The following TRIM9 variants were observed in gnomAD, a reference collection of about 807,000 sequenced individuals.
TRIM9 encodes tripartite motif containing 9.
Under a neutral mutation model 78.3 loss-of-function variants are expected in TRIM9, and 26 were observed. That is an observed-to-expected ratio of 0.33 (90% confidence interval 0.24 to 0.46). TRIM9 has a LOEUF of 0.46. Ranked by LOEUF, TRIM9 falls within the 20% of genes least tolerant of loss-of-function variation. TRIM9 has a pLI of 1.00. For missense variants in TRIM9, 787 were observed against 1,036.4 expected (o/e 0.76, Z 3.30); for synonymous variants, 398 against 416.5 (o/e 0.96, Z 0.54).
chr14:51,077,505 G>A (rs1413651881), intron 1 of TRIM9, among the ~76,000 whole-genome samples: 1 of 145,872 alleles, frequency 6.9e-6, no homozygotes, highest in African/African-American at 2.5e-5. Flanking sequence ...CAATTCTCCT[G>A]CCTCAGACTC....
intron 1 of TRIM9, among the ~76,000 whole-genome samples, chr14:51,077,760 G>C (rs1319859668): frequency 6.6e-6 from 1 of 152,178 alleles, no homozygotes; most frequent in African/African-American, 2.4e-5. Flanking sequence ...ACACGGATAT[G>C]AAATCACATC....
chr14:50,988,806 G>T (rs913161443), intron 7 of TRIM9, among the ~76,000 whole-genome samples: 1 of 152,094 alleles, frequency 6.6e-6, no homozygotes, highest in Non-Finnish European at 1.5e-5. Flanking sequence ...TAGTGCACAT[G>T]CTGGGTCAGC....
chr14:51,019,701 T>C (rs180845463), intron 3 of TRIM9, among the ~76,000 whole-genome samples: 59 of 152,292 alleles, frequency 3.9e-4, no homozygotes, highest in African/African-American at 1.4e-3. Context: ...TAATATACAT[T>C]AAAGATTGTG....
At chr14:50,991,824 G>A (rs2053549953) in intron 7 of TRIM9, among the ~76,000 whole-genome samples, 3 of 152,186 alleles carry the variant, frequency 2.0e-5, no homozygotes, top group African/African-American at 7.2e-5. Context: ...GAGGCTAAGG[G>A]ACATATCCAA....
rs532262707 is a variant in TRIM9, at chr14:51,001,493, T to C, written c.1307-653A>G. Among the ~76,000 whole-genome samples the C allele has an allele frequency of 7.2e-5, 11 of 152,130 alleles. 1 individual carries two copies. The highest frequency in any genetic ancestry group is 2.4e-4 in the African/African-American group (10 of 41,498). On this transcript the variant is annotated intron_variant, in intron 5 of 12. Transcript: ENST00000684578. ...ATCCGCCCGCCTCTGCCTCCCAAAG[T>C]GCTGGGATTACAGGCGTGAGCCACC... is the stretch of plus-strand genomic sequence containing the variant.
In TRIM9 at chr14:50,977,304, G is replaced by T; in HGVS notation, c.2375C>A (p.Ala792Glu). 6.5e-7 allele frequency: 1 copy of T among 1,541,176 alleles called. No individual in the cohort carries two copies. Among genetic ancestry groups the T allele is most frequent in the Non-Finnish European group, 8.8e-7 (1 of 1,141,110 alleles). ...LPVPDFYSSRASIA is the reference protein window; with the variant it reads ...LPVPDFYSSRESIA Reference sequence around the variant, plus strand: ...CACGGCACATCCTTAGGCTATTGATGCTCTGCTGGAGTAGAAGTCGGGGAC... The same window carrying T: ...CACGGCACATCCTTAGGCTATTGATTCTCTGCTGGAGTAGAAGTCGGGGAC... The change falls in exon 13 of 13, where the codon GCA (alanine) becomes GAA (glutamate). Residue 792 changes from alanine to glutamate, a missense_variant. Ala to Glu is a moderately radical substitution (Grantham distance 107, BLOSUM62 -1). Coordinates refer to ENST00000684578, the MANE Select transcript of TRIM9 (RefSeq NM_001387360.1).
intron 1 of TRIM9, among the ~76,000 whole-genome samples, chr14:51,041,956 G>C (rs1030705512): frequency 2.0e-5 from 3 of 152,130 alleles, no homozygotes; most frequent in African/African-American, 7.2e-5. Context: ...AATCCATTAA[G>C]CCAGGGTTTT....
At chr14:51,092,456 G>T (rs2064446047) in intron 1 of TRIM9, among the ~76,000 whole-genome samples, 1 of 152,116 alleles carries the variant, frequency 6.6e-6, no homozygotes, top group Admixed American at 6.5e-5. Flanking sequence ...TCCACAGTTG[G>T]CCACTTGCAA....
At chr14:51,052,676 T>G (rs2060528683) in intron 1 of TRIM9, among the ~76,000 whole-genome samples, 1 of 152,226 alleles carries the variant, frequency 6.6e-6, no homozygotes, top group Non-Finnish European at 1.5e-5. Context: ...TCAGTTTAGC[T>G]GCTGGCACCA....
chr14:51,036,019 T>G (rs1197146861), intron 1 of TRIM9, among the ~76,000 whole-genome samples: 1 of 152,250 alleles, frequency 6.6e-6, no homozygotes, highest in African/African-American at 2.4e-5. Flanking sequence ...AGAATTCTAT[T>G]GCCTCCAGCA....
rs373776847 is a variant in TRIM9 at position 51,032,540 on chromosome 14, C to T, written c.823-7180G>A. Among the ~76,000 whole-genome samples, 6 of 152,338 alleles carry T rather than the reference C, an allele frequency of 3.9e-5. No individual in the cohort carries two copies. In the East Asian group the frequency reaches 1.2e-3, roughly 29 times the overall value. ...TCAATTTTGGACAACCCTGAAGAAC[C>T]ATCCCAGATCTAGAACTTGTAGTAG... On this transcript the variant is annotated intron_variant, in intron 1 of 12. Transcript: ENST00000684578.
At chr14:51,072,088 G>A (rs2062329605) in intron 1 of TRIM9, among the ~76,000 whole-genome samples, 1 of 152,168 alleles carries the variant, frequency 6.6e-6, no homozygotes, top group South Asian at 2.1e-4. Flanking sequence ...CAGCAAAAAG[G>A]CACACGTGGC....
chr14:51,094,339 G>A lies in TRIM9; in HGVS notation c.601C>T (p.Arg201Trp). ...DPCRLRCHPP[R>W]GPLAKHRLVP... ...AGGCGGTGCTTGGCTAGGGGCCCCCGGGGCGGGTGGCAGCGCAGGCGGCAC... is the reference window on the plus strand; with the variant it reads ...AGGCGGTGCTTGGCTAGGGGCCCCCAGGGCGGGTGGCAGCGCAGGCGGCAC... The change falls in exon 1 of 13, where the codon CGG (arginine) becomes TGG (tryptophan). Residue 201 changes from arginine (R) to tryptophan (W), a missense_variant. Around this residue, in one of 3 missense-constraint regions of TRIM9, gnomAD observed 352 missense variants for 472.3 expected, o/e 0.75. Transcript: ENST00000684578. 1 of 1,613,518 alleles carries A rather than the reference G, an allele frequency of 6.2e-7. No individual in the cohort carries two copies. Among genetic ancestry groups the A allele is most frequent in the Non-Finnish European group, 8.5e-7 (1 of 1,179,834 alleles).
chr14:51,066,114 A>G (rs1299500602), intron 1 of TRIM9, among the ~76,000 whole-genome samples: 3 of 8,506 alleles, frequency 3.5e-4, no homozygotes, highest in Admixed American at 1.8e-3. Flanking sequence ...GGAGGGAGGG[A>G]GGGAGGGGAG....
intron 5 of TRIM9, among the ~76,000 whole-genome samples, chr14:51,005,673 C>G (rs569442383): frequency 3.3e-5 from 5 of 152,118 alleles, no homozygotes; most frequent in African/African-American, 1.2e-4. Flanking sequence ...TAATTACTCT[C>G]TAATAAAAGT....
At position 51,022,289 on chromosome 14, in the gene TRIM9, G is replaced by A. The variant is rs187583610; in HGVS notation, c.1041+546C>T. ...GGAGTGGGTTAATTATCATGGGAGTGGGCTCCCAATAAAAGGTTGAAGTTT... is the reference window on the plus strand; with the variant it reads ...GGAGTGGGTTAATTATCATGGGAGTAGGCTCCCAATAAAAGGTTGAAGTTT... On this transcript the variant is annotated intron_variant, in intron 3 of 12. Coordinates refer to ENST00000684578, the MANE Select transcript of TRIM9 (RefSeq NM_001387360.1). Among the ~76,000 whole-genome samples the A allele has an allele frequency of 4.6e-5, 7 of 152,216 alleles. No homozygotes were observed. In the East Asian group the frequency reaches 1.4e-3, roughly 29 times the overall value.
chr14:50,979,864 T>C (rs937243888), intron 11 of TRIM9, among the ~76,000 whole-genome samples: 3 of 152,206 alleles, frequency 2.0e-5, no homozygotes, highest in Non-Finnish European at 4.4e-5. Flanking sequence ...GAGAGTGAAC[T>C]CATTCATTAG....
At chr14:51,032,393 T>A (rs2058809381) in intron 1 of TRIM9, among the ~76,000 whole-genome samples, 1 of 152,244 alleles carries the variant, frequency 6.6e-6, no homozygotes, top group Admixed American at 6.5e-5. Context: ...GCAGGGAATA[T>A]CAGCTGTTGA....
At chr14:51,046,261 A>T (rs1566611861) in intron 1 of TRIM9, among the ~76,000 whole-genome samples, 1 of 152,192 alleles carries the variant, frequency 6.6e-6, no homozygotes, top group Non-Finnish European at 1.5e-5. Context: ...CCTAGTTATT[A>T]TCTTGACTGT....
Sources: allele counts gnomAD v4.1 joint callset (sites outside exome capture counted in the v4.1 genomes callset), GRCh38; gene constraint gnomAD v4.1.1; regional missense constraint gnomAD v4.1.1; transcripts MANE v1.5; gene names NCBI Gene and HGNC (gene_info 2026-07-23, HGNC 2026-07-21).